ROBO2: variants seen among roughly 807,000 people sequenced by gnomAD.
The protein encoded by ROBO2 is roundabout guidance receptor 2, also known as roundabout homolog 2.
In ROBO2, 53 loss-of-function variants were observed where a neutral mutation model predicts 160.8. That is an observed-to-expected ratio of 0.33 (90% CI 0.26 to 0.41). The LOEUF is 0.41. Ranked by LOEUF, ROBO2 falls within the 10% of genes least tolerant of loss-of-function variation. The probability of loss-of-function intolerance (pLI) is 1.00; values close to 1 mark genes in which losing one functional copy is unlikely to be tolerated. For synonymous variants in ROBO2, 664 were observed against 611.7 expected, an observed-to-expected ratio of 1.09 and a Z score of -1.26; for missense variants, 1,577 against 1,722.4, an observed-to-expected ratio of 0.92 and a Z score of 1.49.
At chr3:76,049,427 A>G (rs1347049865) in intron 2 of ROBO2, among the ~76,000 whole-genome samples, 17 of 27,212 alleles carry the variant, frequency 6.2e-4, no homozygotes, top group African/African-American at 4.0e-3. Flanking sequence ...TTTTTTTTGT[A>G]GAGACAGAGT....
chr3:77,167,024 A>G (rs1402810814), intron 2 of ROBO2, among the ~76,000 whole-genome samples: 1 of 152,214 alleles, frequency 6.6e-6, no homozygotes, highest in Non-Finnish European at 1.5e-5. Flanking sequence ...CGTAGGAGGT[A>G]CCAAATGGTG....
chr3:76,017,517 A>G (rs1164130945), intron 2 of ROBO2, among the ~76,000 whole-genome samples: 1 of 152,192 alleles, frequency 6.6e-6, no homozygotes, highest in Non-Finnish European at 1.5e-5. Flanking sequence ...TTAGCAACAT[A>G]GAAATAAACT....
chr3:77,529,249 G>A (rs1290649376), intron 6 of ROBO2, among the ~76,000 whole-genome samples: 1 of 151,348 alleles, frequency 6.6e-6, no homozygotes, highest in Non-Finnish European at 1.5e-5. Flanking sequence ...CACTTTTTCA[G>A]ATGACTATGG....
rs545151094 is a variant in ROBO2 at position 76,851,150 on chromosome 3, C to T, written c.110-246864C>T. On this transcript the variant is annotated intron_variant, in intron 2 of 26. Transcript: ENST00000487694. The stretch of plus-strand genomic sequence containing the variant: ...ATTGGCTAAATATCTGGTCTGCATA[C>T]AGCCCTGTAGATCTACATTGTCCAA... Among the ~76,000 whole-genome samples, 7 of 152,326 alleles carry T rather than the reference C, an allele frequency of 4.6e-5. No homozygotes were observed. The South Asian group carries it at 1.0e-3, about 23-fold the overall frequency.
intron 2 of ROBO2, among the ~76,000 whole-genome samples, chr3:77,029,187 ATG>A (rs2063162127): frequency 6.6e-6 from 1 of 151,886 alleles, no homozygotes; most frequent in African/African-American, 2.4e-5. Context: ...GTGTGTGTGT[ATG>A]TGTGTGTGTA....
At chr3:76,820,115 T>C (rs553279414) in intron 2 of ROBO2, among the ~76,000 whole-genome samples, 1 of 152,092 alleles carries the variant, frequency 6.6e-6, no homozygotes, top group South Asian at 2.1e-4. Context: ...AAAAGGCCTG[T>C]TAATCGATTT....
chr3:76,794,206 G>C (rs538864057), intron 2 of ROBO2, among the ~76,000 whole-genome samples: 4 of 151,910 alleles, frequency 2.6e-5, no homozygotes, highest in African/African-American at 9.7e-5. Flanking sequence ...GAAAAAATTA[G>C]TAGAACTGTA....
intron 2 of ROBO2, among the ~76,000 whole-genome samples, chr3:76,735,012 G>A (rs942800704): frequency 6.6e-6 from 1 of 152,186 alleles, no homozygotes; most frequent in Non-Finnish European, 1.5e-5. Flanking sequence ...ACCACTGTAG[G>A]AAGCAGTTTG....
chr3:77,221,711 A>G (rs1175162811), intron 2 of ROBO2, among the ~76,000 whole-genome samples: 2 of 152,174 alleles, frequency 1.3e-5, no homozygotes, highest in African/African-American at 4.8e-5. Flanking sequence ...GCAGTTTGGA[A>G]AAGATCTATA....
intron 2 of ROBO2, among the ~76,000 whole-genome samples, chr3:76,829,602 T>C (rs1445540563): frequency 6.7e-6 from 1 of 150,306 alleles, no homozygotes; most frequent in Admixed American, 6.6e-5. Context: ...CATCATCCCT[T>C]AGATGCTATC....
intron 2 of ROBO2, among the ~76,000 whole-genome samples, chr3:77,251,626 G>C (rs1366211729): frequency 6.6e-6 from 1 of 152,104 alleles, no homozygotes; most frequent in Admixed American, 6.5e-5. Flanking sequence ...GTCCCGACCC[G>C]AATCTCACCT....
At chr3:76,311,037 A>G (rs1276745075) in intron 2 of ROBO2, 2 of 152,174 alleles carry the variant, frequency 1.3e-5, no homozygotes, top group African/African-American at 4.8e-5. Context: ...ATATATTCCC[A>G]CTGAAAGCAA....
At chr3:76,640,582 CGTGTTTGCGTGTGAGTGT>C (rs2090614570) in intron 2 of ROBO2, among the ~76,000 whole-genome samples, 2 of 37,642 alleles carry the variant, frequency 5.3e-5, no homozygotes, top group Non-Finnish European at 1.2e-4. Context: ...AATATCAATG[CGTGTTTGCGTGTGAGTGT>C]GTGTGTGTGT....
At chr3:77,286,385 T>C (rs376221308) in intron 2 of ROBO2, among the ~76,000 whole-genome samples, 4 of 151,444 alleles carry the variant, frequency 2.6e-5, no homozygotes, top group African/African-American at 9.7e-5. Flanking sequence ...GCCTTCCGAG[T>C]AGCTGGGACT....
intron 2 of ROBO2, among the ~76,000 whole-genome samples, chr3:77,167,756 G>C (rs1244916777): frequency 6.6e-6 from 1 of 152,056 alleles, no homozygotes; most frequent in Non-Finnish European, 1.5e-5. Context: ...TTAATATGCT[G>C]AATTAGCCCT....
intron 1 of ROBO2, among the ~76,000 whole-genome samples, chr3:77,075,802 C>T (rs1402447774): frequency 4.0e-5 from 6 of 150,790 alleles, no homozygotes; most frequent in African/African-American, 7.3e-5. Context: ...CTCAGCCTCC[C>T]GAGTAGTTGG....
At chr3:75,932,146 G>A (rs1947572655) in intron 1 of ROBO2, among the ~76,000 whole-genome samples, 1 of 152,122 alleles carries the variant, frequency 6.6e-6, no homozygotes, top group African/African-American at 2.4e-5. Flanking sequence ...TTCAAGAATT[G>A]CATGGTGTTT....
intron 2 of ROBO2, among the ~76,000 whole-genome samples, chr3:77,010,905 CCTTT>C (rs914846239): frequency 2.0e-4 from 26 of 128,688 alleles, no homozygotes; most frequent in African/African-American, 6.0e-4. Context: ...TCTTCTCCTT[CCTTT>C]CTTCCTTCCT....
At chr3:77,296,482 G>C (rs1339455731) in intron 2 of ROBO2, among the ~76,000 whole-genome samples, 12 of 152,166 alleles carry the variant, frequency 7.9e-5, no homozygotes, top group Non-Finnish European at 1.5e-4. Flanking sequence ...ACTTGCCTCA[G>C]ATGTTGGTTT....
Sources: allele counts gnomAD v4.1 joint callset (sites outside exome capture counted in the v4.1 genomes callset), GRCh38; gene constraint gnomAD v4.1.1; transcripts MANE v1.5; gene names NCBI Gene and HGNC (gene_info 2026-07-23, HGNC 2026-07-21).